Variants in PPHLN1 observed in about 807,000 individuals in gnomAD.
The protein encoded by PPHLN1 is periphilin-1.
Under a neutral mutation model 51.3 loss-of-function variants are expected in PPHLN1, and 29 were observed. That is an observed-to-expected ratio of 0.57 (90% CI 0.42 to 0.77). The LOEUF is 0.77. Ranked by LOEUF, PPHLN1 falls within the 30% of genes least tolerant of loss-of-function variation. PPHLN1 has a pLI of 0.00. For synonymous variants in PPHLN1, 147 were observed against 147.8 expected, an observed-to-expected ratio of 0.99 and a Z score of 0.04; for missense variants, 436 against 438.4, an observed-to-expected ratio of 0.99 and a Z score of 0.05.
chr12:42,378,728 A>G (rs903214273), intron 5 of PPHLN1, among the ~76,000 whole-genome samples: 1 of 152,164 alleles, frequency 6.6e-6, no homozygotes, highest in Non-Finnish European at 1.5e-5. Context: ...TTGTGCTCAC[A>G]TACATACACA....
At chr12:42,425,167 C>T (rs2081336854) in intron 9 of PPHLN1, among the ~76,000 whole-genome samples, 1 of 151,490 alleles carries the variant, frequency 6.6e-6, no homozygotes, top group Non-Finnish European at 1.5e-5. Flanking sequence ...TGCAACCTCC[C>T]CCTCCCAGTT....
In PPHLN1 at chr12:42,384,943, C is replaced by G; in HGVS notation, c.515C>G (p.Ser172Cys). The part of the protein sequence containing the change: ...YSFHQSQHRK[S>C]VRPGASYKRQ... ...CTCCCTGCCCACCTTTCCATAGAGT[C>G]CGTGCGTCCTGGTGCCTCCTACAAA... Residue 172 changes from serine to cysteine, a missense_variant, in exon 6 of 10, where the codon TCC (serine) becomes TGC (cysteine). By Grantham distance (112) the Ser-to-Cys change is moderately radical (BLOSUM62 -1). Coordinates refer to ENST00000358314, the MANE Select transcript of PPHLN1 (RefSeq NM_201439.2). 6.2e-7 allele frequency: 1 copy of G among 1,609,122 alleles called. No individual in the cohort carries two copies. Among genetic ancestry groups the G allele is most frequent in the Non-Finnish European group, 8.5e-7 (1 of 1,175,414 alleles).
At chr12:42,444,266 G>A (rs2083172092), downstream of PPHLN1, 1 of 151,688 alleles carries the variant, frequency 6.6e-6, no homozygotes, top group Admixed American at 6.6e-5. Flanking sequence ...ATCAAAAATT[G>A]CTAGGCGATA....
chr12:42,433,412 T>C (rs945547741), intron 9 of PPHLN1: 11 of 338,832 alleles, frequency 3.2e-5, no homozygotes, highest in African/African-American at 2.4e-4. Context: ...AAGTTCTGCC[T>C]CCCGGGTTCA....
intron 4 of PPHLN1, among the ~76,000 whole-genome samples, chr12:42,370,642 CAG>C (rs2075716064): frequency 6.6e-6 from 1 of 152,124 alleles, no homozygotes; most frequent in East Asian, 1.9e-4. Flanking sequence ...TATCAGCCTT[CAG>C]TAGTGGTCAA....
In PPHLN1 at chr12:42,427,876, TACCCAGA is replaced by T. The variant is rs1456466597; in HGVS notation, c.910-13437_910-13431del. Among the ~76,000 whole-genome samples the T allele has an allele frequency of 2.6e-5, 4 of 152,186 alleles. No homozygotes were observed. In the East Asian group the frequency reaches 7.7e-4, roughly 29 times the overall value. ...ATCTGTACATCTGACAAAGGACTAA[TACCCAGA>T]ATCTATAACGAACTCAATCAAATCA... On this transcript the variant is annotated intron_variant, in intron 9 of 9. Coordinates refer to ENST00000358314, the MANE Select transcript of PPHLN1 (RefSeq NM_201439.2).
intron 5 of PPHLN1, among the ~76,000 whole-genome samples, chr12:42,376,456 G>C (rs1048314392): frequency 6.6e-6 from 1 of 152,162 alleles, no homozygotes; most frequent in Non-Finnish European, 1.5e-5. Flanking sequence ...GTATATTAAT[G>C]ATGATGCAGG....
chr12:42,418,942 TTC>T (rs1469170222), intron 9 of PPHLN1, among the ~76,000 whole-genome samples: 1 of 152,210 alleles, frequency 6.6e-6, no homozygotes, highest in Non-Finnish European at 1.5e-5. Flanking sequence ...CTTTATTACA[TTC>T]TCTCATTTAA....
chr12:42,430,910 C>T (rs1389704501), intron 9 of PPHLN1, among the ~76,000 whole-genome samples: 1 of 152,202 alleles, frequency 6.6e-6, no homozygotes, highest in African/African-American at 2.4e-5. Context: ...AAAAGATACT[C>T]TACTGAAGAC....
At chr12:42,445,973 G>A (rs2083292845), downstream of PPHLN1, 3 of 1,500,546 alleles carry the variant, frequency 2.0e-6, no homozygotes, top group Middle Eastern at 1.7e-4. Context: ...ATCCCCTCAG[G>A]CCCTCTTTGG....
intron 9 of PPHLN1, chr12:42,431,974 G>T: frequency 6.8e-7 from 1 of 1,477,894 alleles, no homozygotes; most frequent in Non-Finnish European, 9.5e-7. Flanking sequence ...ATCAGTGTCT[G>T]CAGTCTGATC....
intron 9 of PPHLN1, among the ~76,000 whole-genome samples, chr12:42,434,985 G>A (rs1180100863): frequency 4.6e-5 from 7 of 152,178 alleles, no homozygotes; most frequent in African/African-American, 1.7e-4. Context: ...GAGCCACCGC[G>A]CCCAGCCCTG....
downstream of PPHLN1, chr12:42,442,904 G>A: frequency 8.8e-7 from 1 of 1,135,774 alleles, no homozygotes; most frequent in South Asian, 1.7e-5. Flanking sequence ...CTCAATTAAG[G>A]GACCCAGTGC....
In PPHLN1 at chr12:42,330,835, G is replaced by T. The variant is rs151152623; in HGVS notation, c.-21+4606G>T. On this transcript the variant is annotated intron_variant, in intron 1 of 9. Transcript: ENST00000358314. The stretch of plus-strand genomic sequence containing the variant: ...AGCGATTCTCTTGCCTCAGCCTCCT[G>T]AGTAGCTGGTACTACAGGCACGTGC... Among the ~76,000 whole-genome samples the T allele has an allele frequency of 9.8e-3, 1,485 of 152,186 alleles. 19 individuals carry two copies. Among genetic ancestry groups the T allele is most frequent in the Non-Finnish European group, 0.015 (1,051 of 68,014 alleles).
intron 9 of PPHLN1, among the ~76,000 whole-genome samples, chr12:42,426,920 G>A (rs2081550577): frequency 6.6e-6 from 1 of 152,158 alleles, no homozygotes; most frequent in Non-Finnish European, 1.5e-5. Context: ...TGGAGGGGGT[G>A]GGTCTTGAAA....
intron 4 of PPHLN1, among the ~76,000 whole-genome samples, chr12:42,360,339 GT>G (rs542352056): frequency 2.7e-4 from 38 of 139,604 alleles, no homozygotes; most frequent in African/African-American, 3.7e-4. Context: ...TACAGGGCAA[GT>G]TTTTTTTTTT....
chr12:42,442,607 T>A, downstream of PPHLN1: 1 of 1,613,266 alleles, frequency 6.2e-7, no homozygotes, highest in Non-Finnish European at 8.5e-7. Flanking sequence ...AATACCTGCG[T>A]CTGAATACTC....
At chr12:42,387,782 A>T (rs2077314514) in intron 7 of PPHLN1, among the ~76,000 whole-genome samples, 2 of 152,098 alleles carry the variant, frequency 1.3e-5, no homozygotes, top group Admixed American at 1.3e-4. Flanking sequence ...AGACATAAGA[A>T]ACTCCATTTT....
chr12:42,372,317 C>T (rs1392491359), intron 4 of PPHLN1, among the ~76,000 whole-genome samples: 3 of 152,140 alleles, frequency 2.0e-5, no homozygotes, highest in Non-Finnish European at 2.9e-5. Flanking sequence ...TGACATCCCC[C>T]AAGTGTATCC....
Sources: allele counts gnomAD v4.1 joint callset (sites outside exome capture counted in the v4.1 genomes callset), GRCh38; gene constraint gnomAD v4.1.1; transcripts MANE v1.5; gene names NCBI Gene and HGNC (gene_info 2026-07-23, HGNC 2026-07-21).